CEP85L: variants seen among roughly 807,000 people sequenced by gnomAD.
The protein encoded by CEP85L is centrosomal protein 85L, also known as centrosomal protein of 85 kDa-like.
Under a neutral mutation model 100.3 loss-of-function variants are expected in CEP85L, and 60 were observed. The ratio of observed to expected loss-of-function variants is 0.60; its 90% CI spans 0.49 to 0.74. CEP85L has a LOEUF of 0.74. Ranked by LOEUF, CEP85L falls within the 30% of genes least tolerant of loss-of-function variation. CEP85L has a pLI of 0.00. For synonymous variants in CEP85L, 319 were observed against 322.7 expected (o/e 0.99, Z 0.12); for missense variants, 973 against 936.2 (o/e 1.04, Z -0.51).
At chr6:118,699,852 G>A (rs1777353972) in intron 1 of CEP85L, among the ~76,000 whole-genome samples, 2 of 151,976 alleles carry the variant, frequency 1.3e-5, no homozygotes, top group South Asian at 2.1e-4. Context: ...GCACCACCAC[G>A]CCCAGCTAAT....
At position 118,491,797 on chromosome 6, in the gene CEP85L, C is replaced by T. The variant is rs753682668; in HGVS notation, c.1326G>A (p.Gly442=). The stretch of plus-strand genomic sequence containing the variant: ...TAGATGCAAGCTTTTGCTCAAATTC[C>T]CCTTGTTGGGAATGGGAAACTGATT... ...SEESVSHSQQ[G]EFEQKLASTE... The change falls in exon 6 of 13, where the codon GGG becomes GGA. Residue 442 remains glycine, a synonymous_variant. Transcript: ENST00000368491. 6 of 1,612,552 alleles carry T rather than the reference C, an allele frequency of 3.7e-6. No homozygotes were observed. The highest frequency in any genetic ancestry group is 5.1e-6 in the Non-Finnish European group (6 of 1,179,332).
At chr6:118,552,649 T>A (rs553381557) in intron 3 of CEP85L, among the ~76,000 whole-genome samples, 1 of 151,992 alleles carries the variant, frequency 6.6e-6, no homozygotes, top group South Asian at 2.1e-4. Flanking sequence ...CAGAATACCA[T>A]CTTGAACTTG....
At chr6:118,703,834 A>G (rs1024062007) in intron 1 of CEP85L, among the ~76,000 whole-genome samples, 1 of 152,228 alleles carries the variant, frequency 6.6e-6, no homozygotes, top group Non-Finnish European at 1.5e-5. Flanking sequence ...TTAAAATTTT[A>G]AAAATATATT....
At chr6:118,520,717 A>G (rs1203254380) in intron 4 of CEP85L, among the ~76,000 whole-genome samples, 1 of 152,118 alleles carries the variant, frequency 6.6e-6, no homozygotes, top group African/African-American at 2.4e-5. Flanking sequence ...TCCAGTAACC[A>G]CTATCCCAAA....
intron 2 of CEP85L, among the ~76,000 whole-genome samples, chr6:118,567,247 GTGTATATATATA>G (rs1562268656): frequency 3.1e-5 from 1 of 31,912 alleles, no homozygotes; most frequent in African/African-American, 1.5e-4. Flanking sequence ...GTGTGTGTGT[GTGTATATATATA>G]TATATATATA....
At chr6:118,670,437 T>G (rs1776265927) in intron 1 of CEP85L, among the ~76,000 whole-genome samples, 1 of 150,446 alleles carries the variant, frequency 6.6e-6, no homozygotes, top group African/African-American at 2.4e-5. Context: ...GTGTTTCCTT[T>G]TGTTGTTGTT....
intron 2 of CEP85L, chr6:118,574,201 A>C (rs1418593856): frequency 6.6e-6 from 1 of 151,934 alleles, no homozygotes; most frequent in Non-Finnish European, 1.5e-5. Flanking sequence ...TCTGTAGGCA[A>C]CTCTTCCCAC....
intron 6 of CEP85L, among the ~76,000 whole-genome samples, chr6:118,490,162 G>A (rs1351348649): frequency 6.6e-6 from 1 of 152,126 alleles, no homozygotes; most frequent in Non-Finnish European, 1.5e-5. Flanking sequence ...ATGAAACAGA[G>A]AGTAGACTGG....
At chr6:118,683,197 A>C (rs575501790) in intron 1 of CEP85L, among the ~76,000 whole-genome samples, 69 of 152,294 alleles carry the variant, frequency 4.5e-4, no homozygotes, top group Non-Finnish European at 8.1e-4. Context: ...ATGATTATAA[A>C]AACCTAATAA....
intron 3 of CEP85L, among the ~76,000 whole-genome samples, chr6:118,528,617 G>A (rs145688503): frequency 6.6e-6 from 1 of 152,192 alleles, no homozygotes; most frequent in Non-Finnish European, 1.5e-5. Context: ...AGTTAATAGA[G>A]AGAACAAAAC....
chr6:118,608,262 G>C (rs146480704), intron 2 of CEP85L, among the ~76,000 whole-genome samples: 1 of 152,130 alleles, frequency 6.6e-6, no homozygotes, highest in Non-Finnish European at 1.5e-5. Flanking sequence ...TTAGGAGGCC[G>C]AGGCAGGCGG....
intron 2 of CEP85L, among the ~76,000 whole-genome samples, chr6:118,630,754 T>C (rs1451819961): frequency 1.3e-5 from 2 of 152,176 alleles, no homozygotes; most frequent in Non-Finnish European, 2.9e-5. Flanking sequence ...CCAGCACCGG[T>C]CAGTGGCCTG....
At chr6:118,699,623 G>C (rs1456983190) in intron 1 of CEP85L, among the ~76,000 whole-genome samples, 2 of 152,116 alleles carry the variant, frequency 1.3e-5, no homozygotes, top group Non-Finnish European at 2.9e-5. Flanking sequence ...GATTTCTGGA[G>C]ATGTTTGAAG....
chr6:118,665,613 C>T (rs1776110400), intron 1 of CEP85L, among the ~76,000 whole-genome samples: 1 of 152,078 alleles, frequency 6.6e-6, no homozygotes, highest in African/African-American at 2.4e-5. Context: ...CCCTCCTAGG[C>T]CTCCCAAAGT....
intron 12 of CEP85L, among the ~76,000 whole-genome samples, chr6:118,465,831 T>C (rs1772476611): frequency 6.6e-6 from 1 of 152,080 alleles, no homozygotes. Context: ...GTAACAATAT[T>C]CCAAAAGTGA....
chr6:118,569,652 CAGA>C (rs1240423162), intron 2 of CEP85L, among the ~76,000 whole-genome samples: 2 of 151,622 alleles, frequency 1.3e-5, no homozygotes, highest in Non-Finnish European at 2.9e-5. Flanking sequence ...ATAAAATACA[CAGA>C]AGAATTCCTG....
intron 2 of CEP85L, among the ~76,000 whole-genome samples, chr6:118,594,928 G>A (rs1274048656): frequency 6.6e-6 from 1 of 151,158 alleles, no homozygotes. Flanking sequence ...TGAATTGCCT[G>A]AGAGCCTGCC....
intron 1 of CEP85L, among the ~76,000 whole-genome samples, chr6:118,682,263 T>C (rs1776689306): frequency 6.6e-6 from 1 of 152,134 alleles, no homozygotes; most frequent in Non-Finnish European, 1.5e-5. Context: ...AAAAATAAAG[T>C]ATGGTGTCTC....
chr6:118,666,687 G>A (rs1776143161), intron 1 of CEP85L, among the ~76,000 whole-genome samples: 1 of 151,842 alleles, frequency 6.6e-6, no homozygotes, highest in South Asian at 2.1e-4. Flanking sequence ...CTCTCTACCA[G>A]CCTCAAGATC....
Sources: allele counts gnomAD v4.1 joint callset (sites outside exome capture counted in the v4.1 genomes callset), GRCh38; gene constraint gnomAD v4.1.1; transcripts MANE v1.5; gene names NCBI Gene and HGNC (gene_info 2026-07-23, HGNC 2026-07-21).